AIFM3: variants seen among roughly 807,000 people sequenced by gnomAD.
AIFM3 encodes AIF family member 3.
A neutral mutation model predicts 82.7 loss-of-function variants in AIFM3; 71 were observed. The ratio of observed to expected loss-of-function variants is 0.86; its 90% confidence interval spans 0.71 to 1.05. The LOEUF is 1.05. Ranked by LOEUF, AIFM3 falls within the 50% of genes least tolerant of loss-of-function variation. The pLI, the probability that AIFM3 is intolerant of heterozygous loss-of-function variation, is 0.00. For synonymous variants in AIFM3, 337 were observed against 329.1 expected (o/e 1.02, Z -0.26); for missense variants, 748 against 816.7 (o/e 0.92, Z 1.03).
chr22:20,971,652 G>C (rs542540062), intron 2 of AIFM3, among the ~76,000 whole-genome samples: 1 of 152,306 alleles, frequency 6.6e-6, no homozygotes, highest in East Asian at 1.9e-4. Flanking sequence ...AGGGATGAGA[G>C]GTAAAACCCA....
At chr22:20,977,536 G>A (rs2147947399) in intron 14 of AIFM3, 164 bp from the exon 15 acceptor site, 2 of 782,062 alleles carry the variant, frequency 2.6e-6, no homozygotes, top group Non-Finnish European at 4.2e-6. Context: ...CACCGGGTCT[G>A]TGGGAGACCG....
At chr22:20,976,158 G>A in intron 9 of AIFM3, 57 bp from the exon 10 acceptor site, 1 of 1,569,744 alleles carries the variant, frequency 6.4e-7, no homozygotes, top group East Asian at 2.3e-5. Flanking sequence ...ACCGGGGAGT[G>A]GGCGGCGAGG....
rs374823610 is a variant in AIFM3 at position 20,977,065 on chromosome 22, G to A, written c.1252G>A (p.Val418Met). The change falls in exon 14 of 21, where the codon GTG becomes ATG. Residue 418 changes from valine to methionine, a missense_variant. Val to Met is a conservative substitution (Grantham distance 21). Transcript: ENST00000440238. Reference protein sequence around the residue: ...KEVVLKSSKVVRADVCVVGIG... With the variant: ...KEVVLKSSKVMRADVCVVGIG... ...GGTTGTGCTGAAGAGCAGCAAGGTC[G>A]TGCGGGCTGACGTCTGCGTGGTGGG... The A allele has an allele frequency of 5.9e-5, 95 of 1,614,180 alleles. No homozygotes were observed. Among genetic ancestry groups the A allele is most frequent in the African/African-American group, 1.1e-4 (8 of 75,036 alleles).
chr22:20,974,412 CAG>C, intron 6 of AIFM3, 111 bp from the exon 7 acceptor site: 1 of 1,557,688 alleles, frequency 6.4e-7, no homozygotes. Flanking sequence ...GTCACTGGAG[CAG>C]AGTGAGGGGT....
rs542222592 is a variant in AIFM3 at position 20,974,064 on chromosome 22, C to G, written c.357C>G (p.Gly119=). 4.4e-6 allele frequency: 7 copies of G among 1,605,594 alleles called. No homozygotes were observed. The highest frequency in any genetic ancestry group is 5.9e-6 in the Non-Finnish European group (7 of 1,177,984). ...CPHYGAPLVK[G]VLSRGRVRCP... ...CAGCCTAACACCTCCCCTTCCCAGG[C>G]GTTCTGTCCCGTGGTCGGGTGCGCT... Residue 119 remains glycine (G), a splice_region_variant and synonymous_variant, in exon 5 of 21, where the codon GGC becomes GGG. Transcript: ENST00000440238.
upstream of AIFM3, among the ~76,000 whole-genome samples, chr22:20,966,174 C>G (rs995702979): frequency 6.6e-6 from 1 of 152,206 alleles, no homozygotes; most frequent in Non-Finnish European, 1.5e-5. Context: ...AGTGGCAAGA[C>G]CAGGTCTGAC....
intron 8 of AIFM3, 78 bp from the exon 9 acceptor site, chr22:20,975,613 TG>T: frequency 1.4e-6 from 2 of 1,422,416 alleles, no homozygotes; most frequent in South Asian, 1.1e-5. Context: ...CCTATGTGAC[TG>T]GGGCTGGCCC....
chr22:20,974,501 C>G, intron 6 of AIFM3, 24 bp from the exon 7 acceptor site: 1 of 1,601,814 alleles, frequency 6.2e-7, no homozygotes, highest in Non-Finnish European at 8.5e-7. Context: ...TGGCAGTGAC[C>G]CTCCACCCTC....
intron 8 of AIFM3, 107 bp from the exon 9 acceptor site, chr22:20,975,585 G>A (rs534398394): frequency 1.0e-4 from 112 of 1,074,544 alleles, no homozygotes; most frequent in Non-Finnish European, 1.4e-4. Context: ...TGGGTTTGCT[G>A]AGTTCTGTCC....
chr22:20,968,051 C>T (rs538411353), intron 2 of AIFM3, 76 bp downstream of exon 2: 497 of 1,471,616 alleles, frequency 3.4e-4, no homozygotes, highest in Non-Finnish European at 4.3e-4. Context: ...CCCCCTCCCC[C>T]TCTGCACTCG....
chr22:20,978,042 G>A (rs755128377), intron 16 of AIFM3, 37 bp downstream of exon 16: 1 of 1,596,062 alleles, frequency 6.3e-7, no homozygotes. Flanking sequence ...GGGGTGGGAG[G>A]GAGTCTCAGG....
chr22:20,980,108 C>CA lies in AIFM3; in HGVS notation c.1741_1742insA (p.Arg581GlnfsTer?). On this transcript the variant is annotated frameshift_variant, in exon 19 of 21. Coordinates refer to ENST00000440238, the MANE Select transcript of AIFM3 (RefSeq NM_001386814.1). LOFTEE classifies it high-confidence loss of function. ...GGTGCTGGCCTCAGGCCGTGCCATC[C>CA]GGAAGCGGGAGGTGGAGTGAGTGTG... 1 of 1,608,540 alleles carries CA rather than the reference C, an allele frequency of 6.2e-7. No homozygotes were observed. The highest frequency in any genetic ancestry group is 8.5e-7 in the Non-Finnish European group (1 of 1,179,974).
At position 20,980,128 on chromosome 22, in the gene AIFM3, A is replaced by G. The variant is rs1315475619; in HGVS notation, c.1757+4A>G. The stretch of plus-strand genomic sequence containing the variant: ...CCATCCGGAAGCGGGAGGTGGAGTG[A>G]GTGTGGGTGTGGGAAGCCTGGGGGT... On this transcript the variant is annotated splice_donor_region_variant and intron_variant, in intron 19 of 20. Coordinates refer to ENST00000440238, the MANE Select transcript of AIFM3 (RefSeq NM_001386814.1). The G allele has an allele frequency of 6.2e-7, 1 of 1,605,760 alleles. No individual in the cohort carries two copies. Among genetic ancestry groups the G allele is most frequent in the African/African-American group, 1.3e-5 (1 of 75,004 alleles).
In AIFM3 at chr22:20,977,764, C is replaced by G; in HGVS notation, c.1347C>G (p.Ile449Met). ...TCGGTTTGGATTCCCGAGGCTTCAT[C>G]CCTGTCAACAAGGTGGGGTGGATGG... ...SGIGLDSRGF[I>M]PVNKMMQTNV... Residue 449 changes from isoleucine (I) to methionine (M), a missense_variant, in exon 15 of 21, where the codon ATC becomes ATG. By Grantham distance (10) the Ile-to-Met change is conservative (BLOSUM62 1). This residue lies in a region of AIFM3 where 393 missense variants were observed against 481.1 expected (regional missense o/e 0.82). Transcript: ENST00000440238. 1 of 1,614,188 alleles carries G rather than the reference C, an allele frequency of 6.2e-7. No homozygotes were observed. Among genetic ancestry groups the G allele is most frequent in the South Asian group, 1.1e-5 (1 of 91,082 alleles).
At position 20,969,403 on chromosome 22, in the gene AIFM3, A is replaced by G. The variant is rs73392556; in HGVS notation, c.31+1428A>G. 9.5e-3 allele frequency among the ~76,000 whole-genome samples: 1,434 copies of G among 151,412 alleles called. 23 individuals are homozygous for G. The highest frequency in any genetic ancestry group is 0.033 in the African/African-American group (1,378 of 41,258). On this transcript the variant is annotated intron_variant, in intron 2 of 20. Coordinates refer to ENST00000440238, the MANE Select transcript of AIFM3 (RefSeq NM_001386814.1). ...GTAAAGTGGGGCTGTTGTGCCTAGC[A>G]TGAGGGCCTGGCACACCAGAAGCAC... is the stretch of plus-strand genomic sequence containing the variant.
Position 20,976,938 on chromosome 22 carries a change from G to T in AIFM3, c.1218G>T (p.Lys406Asn), listed in dbSNP as rs551037156. The change falls in exon 13 of 21, where the codon AAG (lysine) becomes AAT (asparagine). Residue 406 changes from lysine (K) to asparagine (N), a missense_variant and splice_region_variant. Around this residue, in one of 5 missense-constraint regions of AIFM3, gnomAD observed 393 missense variants for 481.1 expected, o/e 0.82. Coordinates refer to ENST00000440238, the MANE Select transcript of AIFM3 (RefSeq NM_001386814.1). ...CTGAGCTGCGGGGCCAGGAGGGAAA[G>T]GTGGGCCCTTCTCCCTTCTCCCTGC... ...EVSELRGQEG[K>N]LKEVVLKSSK... 3.1e-6 allele frequency: 5 copies of T among 1,612,228 alleles called. No homozygotes were observed. In the African/African-American group the frequency reaches 5.3e-5, roughly 17 times the overall value.
chr22:20,979,417 C>T (rs1475599384), intron 17 of AIFM3, 48 bp downstream of exon 17: 15 of 255,680 alleles, frequency 5.9e-5, no homozygotes, highest in Middle Eastern at 9.3e-4. Flanking sequence ...CGTTTAGGGG[C>T]GGGGCTTGGG....
At position 20,973,359 on chromosome 22, in the gene AIFM3, G is replaced by C; in HGVS notation, c.84G>C (p.Glu28Asp). The change falls in exon 3 of 21, where the codon GAG becomes GAC. Residue 28 changes from glutamate (E) to aspartate (D), a missense_variant. By Grantham distance (45) the Glu-to-Asp change is conservative. Coordinates refer to ENST00000440238, the MANE Select transcript of AIFM3 (RefSeq NM_001386814.1). ...VLPEKERGKEELSASGKGSPR... is the reference protein window; with the variant it reads ...VLPEKERGKEDLSASGKGSPR... ...CTGAGAAGGAGCGAGGCAAGGAGGA[G>C]CTGTCGGCCAGTGGGAAGGGCAGCC... The C allele has an allele frequency of 9.3e-6, 15 of 1,609,130 alleles. No individual in the cohort carries two copies. Among genetic ancestry groups the C allele is most frequent in the Non-Finnish European group, 1.2e-5 (14 of 1,178,170 alleles).
rs191291057 is a variant in AIFM3 at position 20,975,808 on chromosome 22, G to A, written c.807+30G>A. Reference sequence around the variant, plus strand: ...AGGGTCAAGGGTGGGAAACAGGCCCGAGGAGGGAAGGTGGGAACCGTGAGG... The same window carrying A: ...AGGGTCAAGGGTGGGAAACAGGCCCAAGGAGGGAAGGTGGGAACCGTGAGG... On this transcript the variant is annotated intron_variant, in intron 9 of 20. Transcript: ENST00000440238. The A allele has an allele frequency of 8.8e-5, 142 of 1,605,840 alleles. 2 individuals carry two copies. The highest frequency in any genetic ancestry group is 7.1e-4 in the East Asian group (32 of 44,876).
Sources: allele counts gnomAD v4.1 joint callset (sites outside exome capture counted in the v4.1 genomes callset), GRCh38; gene constraint gnomAD v4.1.1; regional missense constraint gnomAD v4.1.1; transcripts MANE v1.5; gene names NCBI Gene and HGNC (gene_info 2026-07-23, HGNC 2026-07-21).